Variants in SORCS2 observed in about 807,000 individuals in gnomAD.
The protein encoded by SORCS2 is sortilin related VPS10 domain containing receptor 2.
SORCS2 carries 100 observed loss-of-function variants against 141.6 expected under a neutral mutation model. The observed-to-expected ratio is 0.71, with a 90% CI of 0.60 to 0.83. SORCS2 has a LOEUF of 0.83. Among genes scored for constraint, SORCS2 ranks in the 40% least tolerant of loss-of-function variants. SORCS2 has a pLI of 0.00. For missense variants in SORCS2, 1,646 were observed against 1,560.2 expected (o/e 1.05, Z -0.93); for synonymous variants, 789 against 676.9 (o/e 1.17, Z -2.57).
chr4:7,596,038 C>G (rs1421326208), intron 3 of SORCS2, among the ~76,000 whole-genome samples: 2 of 152,190 alleles, frequency 1.3e-5, no homozygotes. Context: ...TCCTCACAAA[C>G]CATGGTTCTA....
intron 1 of SORCS2, among the ~76,000 whole-genome samples, chr4:7,383,696 C>T (rs746047287): frequency 4.6e-5 from 7 of 152,130 alleles, no homozygotes; most frequent in Non-Finnish European, 1.5e-5. Context: ...GCCAACCCTT[C>T]CAGGTAGAAG....
chr4:7,631,886 A>T (rs1199573704), intron 3 of SORCS2, among the ~76,000 whole-genome samples: 2 of 151,942 alleles, frequency 1.3e-5, no homozygotes, highest in Non-Finnish European at 2.9e-5. Flanking sequence ...GGTGGGAGGG[A>T]TCTCCCTAGA....
intron 2 of SORCS2, among the ~76,000 whole-genome samples, chr4:7,461,905 C>T (rs7688102): frequency 2.0e-4 from 20 of 101,522 alleles, no homozygotes; most frequent in African/African-American, 2.5e-4. Context: ...GGTGCTGTCC[C>T]GCAGGCTTCA....
At chr4:7,226,192 G>A (rs1246474648) in intron 1 of SORCS2, among the ~76,000 whole-genome samples, 3 of 152,180 alleles carry the variant, frequency 2.0e-5, no homozygotes, top group East Asian at 3.9e-4. Flanking sequence ...ATGGTGGCAG[G>A]CACCAGGCAT....
intron 3 of SORCS2, among the ~76,000 whole-genome samples, chr4:7,534,827 A>G (rs943150993): frequency 6.6e-6 from 1 of 152,266 alleles, no homozygotes; most frequent in African/African-American, 2.4e-5. Flanking sequence ...GGCCAGAGGA[A>G]AATGAATTTC....
intron 3 of SORCS2, among the ~76,000 whole-genome samples, chr4:7,635,804 A>G (rs930302998): frequency 1.3e-5 from 2 of 152,120 alleles, no homozygotes; most frequent in African/African-American, 4.8e-5. Flanking sequence ...CGTCCAAGGA[A>G]TCGCTCTCCA....
chr4:7,654,396 G>T (rs996989965), intron 5 of SORCS2, among the ~76,000 whole-genome samples, 189 bp downstream of exon 5: 2 of 152,160 alleles, frequency 1.3e-5, no homozygotes, highest in African/African-American at 2.4e-5. Context: ...AGGGGAACCC[G>T]CAGTCGTTCT....
chr4:7,270,562 G>A (rs1715055197), intron 1 of SORCS2, among the ~76,000 whole-genome samples: 1 of 152,212 alleles, frequency 6.6e-6, no homozygotes, highest in Admixed American at 6.5e-5. Flanking sequence ...CTGGATGTTT[G>A]AAAAGTCATG....
intron 2 of SORCS2, among the ~76,000 whole-genome samples, chr4:7,460,891 G>A (rs1169564851): frequency 6.6e-6 from 1 of 152,152 alleles, no homozygotes; most frequent in African/African-American, 2.4e-5. Flanking sequence ...ACACGGCCAA[G>A]CTCGCAGCTT....
At chr4:7,590,826 G>T (rs1370730847) in intron 3 of SORCS2, among the ~76,000 whole-genome samples, 1 of 152,230 alleles carries the variant, frequency 6.6e-6, no homozygotes, top group African/African-American at 2.4e-5. Context: ...CTCCAGAATT[G>T]TAAGAGGACA....
At chr4:7,545,979 AT>A (rs1713232515) in intron 3 of SORCS2, among the ~76,000 whole-genome samples, 1 of 152,162 alleles carries the variant, frequency 6.6e-6, no homozygotes, top group Non-Finnish European at 1.5e-5. Context: ...CCTTCTCGTT[AT>A]CTTCACGTGG....
intron 5 of SORCS2, 26 bp from the exon 6 acceptor site, chr4:7,661,474 C>A: frequency 6.4e-7 from 1 of 1,551,228 alleles, no homozygotes; most frequent in Admixed American, 2.0e-5. Context: ...CCATTCCCGA[C>A]CCCAGCCTCA....
chr4:7,193,155 C>T lies in SORCS2; in HGVS notation c.480+29C>T, dbSNP rs748038686. 16 of 1,484,272 alleles carry T rather than the reference C, an allele frequency of 1.1e-5. No homozygotes were observed. Among genetic ancestry groups the T allele is most frequent in the Non-Finnish European group, 1.4e-5 (16 of 1,127,122 alleles). 91.9% of individuals were successfully genotyped at this position (1,484,272 alleles called of 1,614,324 possible). ...AGTGACCTCCACGCGCTCGCCGCGGCCCCTACCCGGGACACCGCGGGACAC... is the reference window on the plus strand; with the variant it reads ...AGTGACCTCCACGCGCTCGCCGCGGTCCCTACCCGGGACACCGCGGGACAC... On this transcript the variant is annotated intron_variant, in intron 1 of 26. Transcript: ENST00000507866. The surrounding 1 kb of genome is among the most constrained non-coding windows in gnomAD (Gnocchi z 4.8).
At chr4:7,232,809 C>T (rs1246927093) in intron 1 of SORCS2, among the ~76,000 whole-genome samples, 1 of 152,194 alleles carries the variant, frequency 6.6e-6, no homozygotes, top group East Asian at 1.9e-4. Context: ...GCCCAGGGCA[C>T]CCGGTTCAAT....
intron 2 of SORCS2, among the ~76,000 whole-genome samples, chr4:7,400,404 C>G (rs1161947211): frequency 6.6e-6 from 1 of 152,194 alleles, no homozygotes; most frequent in Non-Finnish European, 1.5e-5. Flanking sequence ...AAGAGGCCCC[C>G]AGGCATTCTT....
chr4:7,327,989 AC>A (rs974626130), intron 1 of SORCS2, among the ~76,000 whole-genome samples: 1 of 140,936 alleles, frequency 7.1e-6, no homozygotes, highest in Non-Finnish European at 1.5e-5. Context: ...GAGTTTGAGG[AC>A]CTACTGTGTG....
At chr4:7,345,621 G>A (rs962204197) in intron 1 of SORCS2, among the ~76,000 whole-genome samples, 6 of 152,092 alleles carry the variant, frequency 3.9e-5, no homozygotes, top group East Asian at 1.9e-4. Context: ...CCAAACCTCC[G>A]TTTCCCATCT....
At position 7,192,824 on chromosome 4, in the gene SORCS2, C is replaced by T. The variant is rs1726924037; in HGVS notation, c.178C>T (p.Pro60Ser). The T allele has an allele frequency of 2.9e-6, 3 of 1,034,072 alleles. No individual in the cohort carries two copies. The highest frequency in any genetic ancestry group is 4.4e-5 in the South Asian group (1 of 22,624). The allele number at this position is 1,034,072 out of a possible 1,614,324, so 64.1% of individuals were successfully genotyped here. ...GRSPEPGRLGPHAQLTRVPRS... is the reference protein window; with the variant it reads ...GRSPEPGRLGSHAQLTRVPRS... ...CTCCCCTGAGCCCGGGCGCCTGGGT[C>T]CTCACGCCCAACTGACCCGGGTGCC... The change falls in exon 1 of 27, where the codon CCT (proline) becomes TCT (serine). Residue 60 changes from proline to serine, a missense_variant. Pro to Ser is a moderately conservative substitution (Grantham distance 74). Transcript: ENST00000507866. This position sits in a 1 kb window ranked among gnomAD's most constrained non-coding sequence, Gnocchi z 4.0.
intron 2 of SORCS2, among the ~76,000 whole-genome samples, chr4:7,424,172 G>A (rs1414251914): frequency 6.6e-6 from 1 of 152,230 alleles, no homozygotes; most frequent in East Asian, 1.9e-4. Flanking sequence ...GGACAGAGCT[G>A]CAGGCTTGGC....
Sources: gnomAD v4.1 joint callset for allele counts (sites outside exome capture counted in the v4.1 genomes callset) on GRCh38, gnomAD v4.1.1 for gene constraint, Gnocchi (gnomAD v3.1) non-coding constraint, MANE v1.5 for transcripts, NCBI Gene and HGNC (gene_info 2026-07-23, HGNC 2026-07-21) for gene names.